Variants in REDIC1 observed in about 807,000 individuals in gnomAD.
REDIC1 encodes the protein regulator of DNA class I crossover intermediates 1.
the REDIC1 span, among the ~76,000 whole-genome samples, chr12:39,769,463 T>C: frequency 1.5e-4 from 23 of 152,204 alleles, no homozygotes; most frequent in South Asian, 4.8e-3. Flanking sequence ...ACTTTGAACA[T>C]CAATTTTTCT....
the REDIC1 span, among the ~76,000 whole-genome samples, chr12:39,879,202 C>T: frequency 6.6e-6 from 1 of 152,248 alleles, no homozygotes; most frequent in African/African-American, 2.4e-5. Context: ...CAGAAGCCTG[C>T]TGCAGGGGCA....
At chr12:39,889,737 G>A in the REDIC1 span, among the ~76,000 whole-genome samples, 97 of 151,892 alleles carry the variant, frequency 6.4e-4, no homozygotes, top group South Asian at 5.2e-3. Context: ...TCACCATGTT[G>A]GCCAGGATGG....
At chr12:39,642,539 T>C in the REDIC1 span, among the ~76,000 whole-genome samples, 1 of 151,734 alleles carries the variant, frequency 6.6e-6, no homozygotes. Flanking sequence ...TCTCCCTCAC[T>C]ATGGTCTTAT....
chr12:39,778,902 G>GT, the REDIC1 span, among the ~76,000 whole-genome samples: 1 of 152,208 alleles, frequency 6.6e-6, no homozygotes, highest in African/African-American at 2.4e-5. Context: ...GTTTCTATCA[G>GT]TTTGGGGGTT....
the REDIC1 span, among the ~76,000 whole-genome samples, chr12:39,635,185 A>G: frequency 6.6e-6 from 1 of 152,186 alleles, no homozygotes; most frequent in Non-Finnish European, 1.5e-5. Flanking sequence ...ACACTTTTAC[A>G]CTGTTGGTGG....
At chr12:39,712,723 G>A in the REDIC1 span, among the ~76,000 whole-genome samples, 2 of 21,486 alleles carry the variant, frequency 9.3e-5, no homozygotes, top group African/African-American at 3.6e-4. Flanking sequence ...AGACGTATAC[G>A]TGTATATATG....
chr12:39,900,260 A>T, the REDIC1 span, among the ~76,000 whole-genome samples: 1 of 152,150 alleles, frequency 6.6e-6, no homozygotes, highest in South Asian at 2.1e-4. Flanking sequence ...AACTGGAAGC[A>T]TTCCCTTTGA....
the REDIC1 span, among the ~76,000 whole-genome samples, chr12:39,707,744 T>C: frequency 6.6e-6 from 1 of 151,852 alleles, no homozygotes; most frequent in Admixed American, 6.6e-5. Flanking sequence ...CCTCCTTGCA[T>C]TTTTTAAAAA....
At chr12:39,715,322 T>C in the REDIC1 span, among the ~76,000 whole-genome samples, 1 of 151,948 alleles carries the variant, frequency 6.6e-6, no homozygotes, top group South Asian at 2.1e-4. Flanking sequence ...AAAGGGTTTC[T>C]TTTCCCCACT....
the REDIC1 span, among the ~76,000 whole-genome samples, chr12:39,652,068 C>A: frequency 2.0e-5 from 3 of 151,986 alleles, no homozygotes; most frequent in South Asian, 6.2e-4. Flanking sequence ...TGGTTGTTGC[C>A]CGTATCTATA....
the REDIC1 span, among the ~76,000 whole-genome samples, chr12:39,785,089 GC>G: frequency 6.6e-6 from 1 of 152,184 alleles, no homozygotes; most frequent in Non-Finnish European, 1.5e-5. Context: ...GCAGAAATTT[GC>G]ATAAGTAGCA....
the REDIC1 span, among the ~76,000 whole-genome samples, chr12:39,666,904 G>T: frequency 6.6e-6 from 1 of 152,110 alleles, no homozygotes. Flanking sequence ...TGTGGGATTG[G>T]TAGTGATATC....
At chr12:39,804,678 C>A in the REDIC1 span, among the ~76,000 whole-genome samples, 1 of 152,030 alleles carries the variant, frequency 6.6e-6, no homozygotes, top group African/African-American at 2.4e-5. Flanking sequence ...TGCTGTGTAG[C>A]AACACTAAAC....
chr12:39,641,124 G>A, the REDIC1 span: 1 of 656,226 alleles, frequency 1.5e-6, no homozygotes, highest in Non-Finnish European at 2.6e-6. Context: ...CATCCTTGTT[G>A]ATAGCTTGAT....
the REDIC1 span, among the ~76,000 whole-genome samples, chr12:39,818,099 C>T: frequency 6.6e-6 from 1 of 152,186 alleles, no homozygotes; most frequent in South Asian, 2.1e-4. Flanking sequence ...AGAGAGCCCC[C>T]TTGGGCCACT....
At chr12:39,748,596 C>A in the REDIC1 span, among the ~76,000 whole-genome samples, 1 of 152,178 alleles carries the variant, frequency 6.6e-6, no homozygotes, top group Non-Finnish European at 1.5e-5. Flanking sequence ...AACTCTCCAC[C>A]CCAAATCAAC....
the REDIC1 span, among the ~76,000 whole-genome samples, chr12:39,663,926 G>T: frequency 6.6e-6 from 1 of 151,730 alleles, no homozygotes; most frequent in African/African-American, 2.4e-5. Context: ...ATTTTTGAAG[G>T]ATAGCCTTTC....
the REDIC1 span, among the ~76,000 whole-genome samples, chr12:39,638,156 T>A: frequency 3.9e-5 from 6 of 152,164 alleles, no homozygotes; most frequent in South Asian, 1.2e-3. Context: ...TCCCAGTCTG[T>A]TTTGCAGCTA....
At chr12:39,849,510 A>G in the REDIC1 span, among the ~76,000 whole-genome samples, 2 of 152,154 alleles carry the variant, frequency 1.3e-5, no homozygotes, top group African/African-American at 4.8e-5. Context: ...GAGGCTGTTT[A>G]TTGAGGTGCT....
Sources: allele counts gnomAD v4.1 joint callset (sites outside exome capture counted in the v4.1 genomes callset), GRCh38; gene constraint gnomAD v4.1.1; transcripts MANE v1.5; gene names NCBI Gene and HGNC (gene_info 2026-07-23, HGNC 2026-07-21).